The following PXK variants were observed in gnomAD, a reference collection of about 807,000 sequenced individuals.
The protein encoded by PXK is PX domain containing serine/threonine kinase like.
PXK carries 35 observed loss-of-function variants against 84.7 expected under a neutral mutation model. The observed-to-expected ratio is 0.41, with a 90% CI of 0.32 to 0.55. The LOEUF (loss-of-function observed/expected upper bound fraction) is 0.55, where lower values mean the gene tolerates loss of function less well. PXK is among the 20% of genes least tolerant of loss of function. The pLI, the probability that PXK is intolerant of heterozygous loss-of-function variation, is 0.21. For synonymous variants in PXK, 253 were observed against 260.8 expected, an observed-to-expected ratio of 0.97 and a Z score of 0.29; for missense variants, 634 against 699.7, an observed-to-expected ratio of 0.91 and a Z score of 1.06.
chr3:58,373,693 C>G (rs1197238143), intron 3 of PXK, among the ~76,000 whole-genome samples: 1 of 152,152 alleles, frequency 6.6e-6, no homozygotes, highest in African/African-American at 2.4e-5. Context: ...CCTGTCTTAG[C>G]CCAGGGCCTT....
rs1418927913 is a variant in PXK, at chr3:58,370,102, G to C, written c.201+624G>C. Among the ~76,000 whole-genome samples, 1 of 152,182 alleles carries C rather than the reference G, an allele frequency of 6.6e-6. No individual in the cohort carries two copies. The highest frequency in any genetic ancestry group is 2.4e-5 in the African/African-American group (1 of 41,420). ...AATGATTGCGTGGATTGCTAGTGTT[G>C]TTCACTTAGGTGGAGCTGGGACTCT... is the stretch of plus-strand genomic sequence containing the variant. On this transcript the variant is annotated intron_variant, in intron 3 of 17. Transcript: ENST00000356151. The surrounding 1 kb of genome is among the most constrained non-coding windows in gnomAD (Gnocchi z 4.2).
chr3:58,397,121 G>A lies in PXK; in HGVS notation c.905G>A (p.Arg302Gln), dbSNP rs375474076. The A allele has an allele frequency of 1.4e-5, 22 of 1,614,006 alleles. No homozygotes were observed. Among genetic ancestry groups the A allele is most frequent in the African/African-American group, 1.1e-4 (8 of 74,900 alleles). The part of the protein sequence containing the change: ...SNVMLDGDTC[R>Q]LLDLENSLLG... ...GTGATGCTCGATGGGGACACTTGCC[G>A]GCTGCTGGACCTTGAGAATTCCTTA... is the stretch of plus-strand genomic sequence containing the variant. Residue 302 changes from arginine to glutamine, a missense_variant, in exon 10 of 18, where the codon CGG (arginine) becomes CAG (glutamine). By Grantham distance (43) the Arg-to-Gln change is conservative. Around this residue, in one of 3 missense-constraint regions of PXK, gnomAD observed 353 missense variants for 385.2 expected, o/e 0.92. Coordinates refer to ENST00000356151, the MANE Select transcript of PXK (RefSeq NM_017771.5). The surrounding 1 kb of genome is among the most constrained non-coding windows in gnomAD (Gnocchi z 4.7).
intron 2 of PXK, among the ~76,000 whole-genome samples, chr3:58,369,141 T>G (rs2098325255): frequency 6.6e-6 from 1 of 152,194 alleles, no homozygotes; most frequent in Non-Finnish European, 1.5e-5. Context: ...GAAAGACAAT[T>G]GAAGGGCTGT....
At chr3:58,377,240 G>A (rs2098451113) in intron 3 of PXK, among the ~76,000 whole-genome samples, 1 of 151,682 alleles carries the variant, frequency 6.6e-6, no homozygotes, top group Non-Finnish European at 1.5e-5. Context: ...ATCTTGTCCA[G>A]TATCAAGTTC....
At chr3:58,422,212 G>C (rs912181641) in intron 17 of PXK, 2 of 985,398 alleles carry the variant, frequency 2.0e-6, no homozygotes, top group African/African-American at 1.7e-5. Context: ...GAGTGAGACC[G>C]AGTCCCAGGT....
intron 4 of PXK, among the ~76,000 whole-genome samples, chr3:58,388,997 C>T (rs1418976346): frequency 6.6e-6 from 1 of 152,002 alleles, no homozygotes; most frequent in Non-Finnish European, 1.5e-5. Context: ...TTCATTTACT[C>T]ACTGCAATGA....
intron 3 of PXK, among the ~76,000 whole-genome samples, chr3:58,373,223 C>T (rs1323218504): frequency 3.3e-5 from 5 of 151,942 alleles, no homozygotes; most frequent in African/African-American, 4.8e-5. Flanking sequence ...GACTACAAGG[C>T]GCCCGCCACC....
rs192525277 is a variant in PXK, at chr3:58,358,199, A to G, written c.103-7675A>G. Among the ~76,000 whole-genome samples the G allele has an allele frequency of 1.2e-4, 19 of 152,322 alleles. No homozygotes were observed. The East Asian group carries it at 3.5e-3, about 28-fold the overall frequency. On this transcript the variant is annotated intron_variant, in intron 1 of 17. Transcript: ENST00000356151. ...TTTTAGTCATTTTGATATATGCATT[A>G]TTATTGACTACAATCACCATGGTGT...
In PXK at chr3:58,399,398, G is replaced by A. The variant is rs1171551023; in HGVS notation, c.1181+21G>A. Reference sequence around the variant, plus strand: ...ATGCCGTAAGTCAATCATATGCGTTGGTTGTAATCTTGATAACTATGTTGA... The same window carrying A: ...ATGCCGTAAGTCAATCATATGCGTTAGTTGTAATCTTGATAACTATGTTGA... On this transcript the variant is annotated intron_variant, in intron 12 of 17. Transcript: ENST00000356151. The surrounding 1 kb of genome is among the most constrained non-coding windows in gnomAD (Gnocchi z 4.3). The A allele has an allele frequency of 6.3e-7, 1 of 1,597,786 alleles. No homozygotes were observed. Among genetic ancestry groups the A allele is most frequent in the African/African-American group, 1.3e-5 (1 of 74,644 alleles).
chr3:58,423,058 T>G (rs2062174375), intron 17 of PXK: 1 of 985,372 alleles, frequency 1.0e-6, no homozygotes, highest in African/African-American at 1.7e-5. Context: ...TGGGCAGAGC[T>G]CACTCCTTCG....
chr3:58,371,443 A>G (rs950846273), intron 3 of PXK, among the ~76,000 whole-genome samples: 1 of 152,238 alleles, frequency 6.6e-6, no homozygotes, highest in South Asian at 2.1e-4. Context: ...GGGAATTAAC[A>G]GTGGGCCTAC....
intron 3 of PXK, 55 bp from the exon 4 acceptor site, chr3:58,382,459 G>A: frequency 9.4e-6 from 13 of 1,385,920 alleles, no homozygotes; most frequent in Non-Finnish European, 1.2e-5. Flanking sequence ...AGATTTTTGT[G>A]TTGATTCTTA....
chr3:58,384,555 C>T (rs2098535087), intron 4 of PXK, among the ~76,000 whole-genome samples: 1 of 152,118 alleles, frequency 6.6e-6, no homozygotes, highest in Non-Finnish European at 1.5e-5. Flanking sequence ...AGCTTGAATT[C>T]TGTCAAAGTA....
At position 58,333,167 on chromosome 3, in the gene PXK, G is replaced by T; in HGVS notation, c.102+77G>T. On this transcript the variant is annotated intron_variant, in intron 1 of 17. Coordinates refer to ENST00000356151, the MANE Select transcript of PXK (RefSeq NM_017771.5). This position sits in a 1 kb window ranked among gnomAD's most constrained non-coding sequence, Gnocchi z 5.4. ...GGGGGCTGCGGGCTGCCTGGCGCGG[G>T]CCGGGCAGGGTCGTCGGACGGAGAC... 1.1e-6 allele frequency: 1 copy of T among 871,694 alleles called. No individual in the cohort carries two copies. Among genetic ancestry groups the T allele is most frequent in the Non-Finnish European group, 1.4e-6 (1 of 719,538 alleles). The allele number at this position is 871,694 out of a possible 1,614,324, so 54.0% of individuals were successfully genotyped here.
chr3:58,401,397 TG>T lies in PXK; in HGVS notation c.1181+2021del, dbSNP rs1368461551. On this transcript the variant is annotated intron_variant, in intron 12 of 17. Transcript: ENST00000356151. This position sits in a 1 kb window ranked among gnomAD's most constrained non-coding sequence, Gnocchi z 4.4. ...GGGAGGCTGAGGCAGGTGGATCACT[TG>T]AGCTCAGGAGTTCAAGACCAGCCTG... Among the ~76,000 whole-genome samples, 1 of 151,696 alleles carries T rather than the reference TG, an allele frequency of 6.6e-6. No individual in the cohort carries two copies. The highest frequency in any genetic ancestry group is 1.5e-5 in the Non-Finnish European group (1 of 67,916).
At position 58,333,612 on chromosome 3, in the gene PXK, GC is replaced by G. The variant is rs1229777759; in HGVS notation, c.102+526del. 2.2e-5 allele frequency: 10 copies of G among 456,698 alleles called. No individual in the cohort carries two copies. The highest frequency in any genetic ancestry group is 1.1e-4 in the South Asian group (7 of 64,576). The allele number at this position is 456,698 out of a possible 1,614,324, so 28.3% of individuals were successfully genotyped here. ...AGAGTGTAAGTGGCTGGGGTCTGCA[GC>G]CCCGTTTCCAGGTCAGCCGCTTGGC... On this transcript the variant is annotated intron_variant, in intron 1 of 17. Coordinates refer to ENST00000356151, the MANE Select transcript of PXK (RefSeq NM_017771.5). This position sits in a 1 kb window ranked among gnomAD's most constrained non-coding sequence, Gnocchi z 5.4.
intron 4 of PXK, among the ~76,000 whole-genome samples, chr3:58,389,999 CAAAAAAAAAA>C (rs61380830): frequency 1.7e-4 from 9 of 51,632 alleles, no homozygotes; most frequent in African/African-American, 8.1e-4. Flanking sequence ...AACTCCGTCT[CAAAAAAAAAA>C]AAAAAAAAAA....
chr3:58,351,985 C>T (rs2097936738), intron 1 of PXK, among the ~76,000 whole-genome samples: 1 of 152,184 alleles, frequency 6.6e-6, no homozygotes, highest in African/African-American at 2.4e-5. Context: ...TGTCTTCTTT[C>T]ATATTCACCA....
In PXK at chr3:58,425,945, T is replaced by C. The variant is rs1332432848; in HGVS notation, c.*985T>C. 2.0e-5 allele frequency: 3 copies of C among 152,264 alleles called. No homozygotes were observed. The highest frequency in any genetic ancestry group is 7.2e-5 in the African/African-American group (3 of 41,468). 9.4% of individuals were successfully genotyped at this position (152,264 alleles called of 1,614,324 possible). On this transcript the variant is annotated 3_prime_UTR_variant, in exon 18 of 18. Transcript: ENST00000356151. ...GTACACACATCAGTGTTGGTTACTA[T>C]GCAGAGAATGTCATTGTGTATAGTT...
Sources: allele counts gnomAD v4.1 joint callset (sites outside exome capture counted in the v4.1 genomes callset), GRCh38; gene constraint gnomAD v4.1.1; regional missense constraint gnomAD v4.1.1; non-coding constraint Gnocchi (gnomAD v3.1); transcripts MANE v1.5; gene names NCBI Gene and HGNC (gene_info 2026-07-23, HGNC 2026-07-21).